Variants in ACAP2 observed in about 807,000 individuals in gnomAD.
The protein encoded by ACAP2 is arf-GAP with coiled-coil, ANK repeat and PH domain-containing protein 2.
ACAP2 carries 39 observed loss-of-function variants against 115.8 expected under a neutral mutation model. The observed-to-expected ratio is 0.34, with a 90% confidence interval of 0.26 to 0.44. ACAP2 has a LOEUF of 0.44. ACAP2 is among the 20% of genes least tolerant of loss of function. The probability of loss-of-function intolerance (pLI) is 1.00; values close to 1 mark genes in which losing one functional copy is unlikely to be tolerated. For synonymous variants in ACAP2, 289 were observed against 315.8 expected (o/e 0.92, Z 0.90); for missense variants, 662 against 927.6 (o/e 0.71, Z 3.72).
chr3:195,321,598 C>G (rs577577639), intron 9 of ACAP2, among the ~76,000 whole-genome samples: 93 of 142,100 alleles, frequency 6.5e-4, no homozygotes, highest in African/African-American at 2.4e-3. Context: ...TATATTACTA[C>G]CATGGTAGTT....
intron 4 of ACAP2, among the ~76,000 whole-genome samples, chr3:195,377,335 G>A (rs1340537628): frequency 6.6e-6 from 1 of 151,726 alleles, no homozygotes; most frequent in African/African-American, 2.4e-5. Flanking sequence ...TGTAGAGACC[G>A]AGTTTCGCCA....
At chr3:195,420,652 G>GT (rs1714115293) in intron 1 of ACAP2, among the ~76,000 whole-genome samples, 1 of 151,424 alleles carries the variant, frequency 6.6e-6, no homozygotes. Context: ...CTGCAATTTT[G>GT]TTTTTGTTTT....
chr3:195,285,693 A>G (rs1241793182), intron 22 of ACAP2, 103 bp downstream of exon 22: 1 of 947,058 alleles, frequency 1.1e-6, no homozygotes, highest in Non-Finnish European at 1.6e-6. Flanking sequence ...ATAGTATCAC[A>G]TTAGTTTGCT....
At chr3:195,381,190 G>A in intron 3 of ACAP2, 128 bp from the exon 4 acceptor site, 1 of 683,298 alleles carries the variant, frequency 1.5e-6, no homozygotes, top group Non-Finnish European at 2.5e-6. Flanking sequence ...TATTTCCAAT[G>A]ACAATCTCAC....
intron 4 of ACAP2, among the ~76,000 whole-genome samples, chr3:195,377,292 G>A (rs2108742902): frequency 6.6e-6 from 1 of 151,848 alleles, no homozygotes; most frequent in African/African-American, 2.4e-5. Flanking sequence ...TTACAGGCAT[G>A]AGCCACCACA....
chr3:195,348,920 T>C (rs552552520), intron 4 of ACAP2, among the ~76,000 whole-genome samples: 4 of 152,328 alleles, frequency 2.6e-5, no homozygotes, highest in South Asian at 2.1e-4. Flanking sequence ...GAATGCCTAC[T>C]CATCACTTCT....
intron 1 of ACAP2, among the ~76,000 whole-genome samples, chr3:195,413,391 G>C (rs1258773197): frequency 6.6e-6 from 1 of 152,056 alleles, no homozygotes; most frequent in Non-Finnish European, 1.5e-5. Flanking sequence ...ATAAAGAACT[G>C]TTACCCAAAA....
At chr3:195,323,720 G>A (rs1031610251) in intron 9 of ACAP2, among the ~76,000 whole-genome samples, 2 of 152,090 alleles carry the variant, frequency 1.3e-5, no homozygotes, top group African/African-American at 2.4e-5. Context: ...ACTGGACTCA[G>A]GGAGCTGGAG....
At chr3:195,292,120 C>T in intron 19 of ACAP2, 145 bp downstream of exon 19, 1 of 1,021,866 alleles carries the variant, frequency 9.8e-7, no homozygotes, top group Non-Finnish European at 1.3e-6. Flanking sequence ...TGCTCAGAAA[C>T]CACTACTATT....
chr3:195,312,421 A>G (rs916134653), intron 10 of ACAP2, among the ~76,000 whole-genome samples: 14 of 152,216 alleles, frequency 9.2e-5, no homozygotes, highest in Non-Finnish European at 1.6e-4. Flanking sequence ...ATTTTTAAAA[A>G]GAGTTTACTA....
intron 4 of ACAP2, 143 bp downstream of exon 4, chr3:195,380,866 C>T (rs1384881761): frequency 4.3e-6 from 3 of 690,190 alleles, no homozygotes; most frequent in Admixed American, 6.3e-5. Context: ...ACACAGCGTA[C>T]ATTTTAGATT....
intron 1 of ACAP2, among the ~76,000 whole-genome samples, chr3:195,427,199 C>T (rs1267141526): frequency 3.9e-5 from 6 of 152,044 alleles, no homozygotes; most frequent in Non-Finnish European, 7.4e-5. Context: ...TTGGAGAAGG[C>T]AAGGTATAAA....
At chr3:195,295,275 G>A in intron 17 of ACAP2, 1 of 1,291,902 alleles carries the variant, frequency 7.7e-7, no homozygotes, top group Non-Finnish European at 1.0e-6. Flanking sequence ...ACTCCCGCCT[G>A]GCCTCGTCGC....
chr3:195,308,413 T>TG (rs1322259785), intron 11 of ACAP2, among the ~76,000 whole-genome samples: 1 of 151,844 alleles, frequency 6.6e-6, no homozygotes, highest in Non-Finnish European at 1.5e-5. Context: ...TTTGAGGTGA[T>TG]GGATACCCCA....
intron 1 of ACAP2, among the ~76,000 whole-genome samples, chr3:195,420,776 G>A (rs1294532100): frequency 6.6e-6 from 1 of 152,066 alleles, no homozygotes; most frequent in East Asian, 1.9e-4. Flanking sequence ...CCAAGTAGAA[G>A]GGATTACGGG....
At chr3:195,307,116 TCTTTAGCACAGATACAGA>T in intron 12 of ACAP2, 89 bp downstream of exon 12, 1 of 772,612 alleles carries the variant, frequency 1.3e-6, no homozygotes, top group Admixed American at 2.6e-5. Flanking sequence ...CTTTTTTTTC[TCTTTAGCACAGATACAGA>T]CAAATGCAAA....
At chr3:195,430,105 A>C (rs1486393264) in intron 1 of ACAP2, among the ~76,000 whole-genome samples, 1 of 152,204 alleles carries the variant, frequency 6.6e-6, no homozygotes, top group African/African-American at 2.4e-5. Context: ...CAGTCCATGG[A>C]TGACTGCCTA....
At chr3:195,424,744 C>T (rs937689374) in intron 1 of ACAP2, among the ~76,000 whole-genome samples, 2 of 151,280 alleles carry the variant, frequency 1.3e-5, no homozygotes, top group Non-Finnish European at 2.9e-5. Flanking sequence ...AGTGAGATTT[C>T]GTCTCTACAA....
chr3:195,334,599 C>T (rs1190981389), intron 7 of ACAP2, among the ~76,000 whole-genome samples: 4 of 151,986 alleles, frequency 2.6e-5, no homozygotes, highest in Non-Finnish European at 5.9e-5. Flanking sequence ...CCAAAAAACA[C>T]GGAAAAATGT....
Sources: gnomAD v4.1 joint callset for allele counts (sites outside exome capture counted in the v4.1 genomes callset) on GRCh38, gnomAD v4.1.1 for gene constraint, MANE v1.5 for transcripts, NCBI Gene and HGNC (gene_info 2026-07-23, HGNC 2026-07-21) for gene names.